Variants in CDKAL1 observed in about 807,000 individuals in gnomAD.
CDKAL1 encodes the protein threonylcarbamoyladenosine tRNA methylthiotransferase.
Under a neutral mutation model 68.2 loss-of-function variants are expected in CDKAL1, and 32 were observed. The observed-to-expected ratio is 0.47, with a 90% CI of 0.35 to 0.63. CDKAL1 has a LOEUF of 0.63. Ranked by LOEUF, CDKAL1 falls within the 30% of genes least tolerant of loss-of-function variation. The probability of loss-of-function intolerance (pLI) is 0.00; values close to 1 mark genes in which losing one functional copy is unlikely to be tolerated. For missense variants in CDKAL1, 606 were observed against 696.7 expected, an observed-to-expected ratio of 0.87 and a Z score of 1.47; for synonymous variants, 234 against 244.3, an observed-to-expected ratio of 0.96 and a Z score of 0.39.
intron 5 of CDKAL1, among the ~76,000 whole-genome samples, chr6:20,665,678 A>G (rs969402411): frequency 2.0e-5 from 3 of 151,968 alleles, no homozygotes; most frequent in Non-Finnish European, 4.4e-5. Flanking sequence ...TGGAAACTAT[A>G]ATTGAAACGA....
intron 5 of CDKAL1, among the ~76,000 whole-genome samples, chr6:20,710,975 T>G (rs751613066): frequency 3.9e-5 from 6 of 152,194 alleles, no homozygotes; most frequent in Non-Finnish European, 8.8e-5. Flanking sequence ...GTAAAATGCT[T>G]CCTTTTTAAT....
chr6:20,912,293 T>C lies in CDKAL1; in HGVS notation c.743-43126T>C, dbSNP rs531824564. Among the ~76,000 whole-genome samples, 11 of 152,320 alleles carry C rather than the reference T, an allele frequency of 7.2e-5. 1 individual carries two copies. Among genetic ancestry groups the C allele is most frequent in the African/African-American group, 2.6e-4 (11 of 41,572 alleles). ...TCTGAACTGGAGTTAAACTTGACTT[T>C]GCTGCTTGGGTGGGGAGGTAGCAGG... On this transcript the variant is annotated intron_variant, in intron 9 of 15. Coordinates refer to ENST00000274695, the MANE Select transcript of CDKAL1 (RefSeq NM_017774.3).
chr6:20,769,067 A>G (rs756781397), intron 7 of CDKAL1, among the ~76,000 whole-genome samples: 1 of 152,004 alleles, frequency 6.6e-6, no homozygotes, highest in Non-Finnish European at 1.5e-5. Context: ...GCTCTCTGAC[A>G]TGGTCCCTGA....
At chr6:21,173,227 ACTTCTT>A (rs200079944) in intron 13 of CDKAL1, among the ~76,000 whole-genome samples, 2 of 151,998 alleles carry the variant, frequency 1.3e-5, no homozygotes, top group East Asian at 3.9e-4. Flanking sequence ...ATTTTATATT[ACTTCTT>A]CATTTCTTAG....
intron 13 of CDKAL1, among the ~76,000 whole-genome samples, chr6:21,127,538 T>G (rs757473074): frequency 6.6e-6 from 1 of 152,096 alleles, no homozygotes; most frequent in Non-Finnish European, 1.5e-5. Flanking sequence ...TCATTTGAGG[T>G]CAAGAGTTCA....
chr6:20,940,146 G>A (rs914054539), intron 9 of CDKAL1, among the ~76,000 whole-genome samples: 1 of 152,094 alleles, frequency 6.6e-6, no homozygotes, highest in Non-Finnish European at 1.5e-5. Context: ...ATTTGTGAAT[G>A]CCACTTTTTA....
chr6:20,747,011 C>A (rs1435653622), intron 6 of CDKAL1, among the ~76,000 whole-genome samples: 2 of 152,084 alleles, frequency 1.3e-5, no homozygotes, highest in Admixed American at 1.3e-4. Flanking sequence ...CTCCCCACCC[C>A]GGTAATCCCC....
At chr6:20,814,824 C>T (rs1561800499) in intron 8 of CDKAL1, among the ~76,000 whole-genome samples, 1 of 152,150 alleles carries the variant, frequency 6.6e-6, no homozygotes, top group East Asian at 1.9e-4. Context: ...CTCCAGAGTT[C>T]TTTTAAGCTT....
At chr6:20,969,938 T>C (rs949315414) in intron 10 of CDKAL1, among the ~76,000 whole-genome samples, 1 of 130,898 alleles carries the variant, frequency 7.6e-6, no homozygotes, top group African/African-American at 3.4e-5. Flanking sequence ...ATTCCCTGCC[T>C]TTTTTTTTTT....
intron 8 of CDKAL1, among the ~76,000 whole-genome samples, chr6:20,839,043 G>C (rs1035455413): frequency 6.7e-6 from 1 of 150,264 alleles, no homozygotes; most frequent in Non-Finnish European, 1.5e-5. Context: ...TCTACATATT[G>C]TGTGTCAATT....
chr6:21,040,555 G>A (rs1183196102), intron 11 of CDKAL1, among the ~76,000 whole-genome samples: 1 of 151,976 alleles, frequency 6.6e-6, no homozygotes, highest in Non-Finnish European at 1.5e-5. Context: ...TGTAAATTAT[G>A]GATTTAAATA....
intron 11 of CDKAL1, among the ~76,000 whole-genome samples, chr6:21,018,925 G>A (rs1489532944): frequency 1.3e-5 from 2 of 151,880 alleles, no homozygotes; most frequent in African/African-American, 4.8e-5. Flanking sequence ...CCTTTGCTTT[G>A]TCGTCTGTCA....
rs564722375 is a variant in CDKAL1 at position 20,624,388 on chromosome 6, T to C, written c.287-24905T>C. The stretch of plus-strand genomic sequence containing the variant: ...CGATTTTTAAGTTTTTTCCCCCCTT[T>C]CTGTGCTGTCTTTTTTTCTCTCCTG... On this transcript the variant is annotated intron_variant, in intron 4 of 15. Coordinates refer to ENST00000274695, the MANE Select transcript of CDKAL1 (RefSeq NM_017774.3). 2.0e-5 allele frequency among the ~76,000 whole-genome samples: 3 copies of C among 152,078 alleles called. No homozygotes were observed. The South Asian group carries it at 6.2e-4, about 32-fold the overall frequency.
intron 4 of CDKAL1, among the ~76,000 whole-genome samples, chr6:20,616,443 C>G (rs1176240220): frequency 7.1e-6 from 1 of 141,462 alleles, no homozygotes; most frequent in Non-Finnish European, 1.5e-5. Flanking sequence ...TGTTTGTATC[C>G]TCTTTTATTT....
intron 13 of CDKAL1, among the ~76,000 whole-genome samples, chr6:21,181,493 G>A (rs1420079148): frequency 6.6e-6 from 1 of 152,164 alleles, no homozygotes; most frequent in Admixed American, 6.5e-5. Flanking sequence ...TTCTGCCATT[G>A]GATGATGCAG....
At chr6:21,133,884 T>C (rs1775449412) in intron 13 of CDKAL1, among the ~76,000 whole-genome samples, 1 of 152,234 alleles carries the variant, frequency 6.6e-6, no homozygotes, top group Admixed American at 6.5e-5. Flanking sequence ...GTTTTGCTGA[T>C]GTCTCCTATA....
intron 9 of CDKAL1, among the ~76,000 whole-genome samples, chr6:20,874,103 T>C (rs1318219434): frequency 6.6e-6 from 1 of 152,070 alleles, no homozygotes; most frequent in African/African-American, 2.4e-5. Flanking sequence ...AAGTAAATAA[T>C]TGGGGTTAGA....
intron 5 of CDKAL1, among the ~76,000 whole-genome samples, chr6:20,669,934 A>G (rs1769731299): frequency 6.6e-6 from 1 of 152,040 alleles, no homozygotes; most frequent in African/African-American, 2.4e-5. Context: ...TATTTACACA[A>G]ACACCTATAA....
At chr6:20,737,362 G>C (rs915083623) in intron 5 of CDKAL1, among the ~76,000 whole-genome samples, 1 of 152,206 alleles carries the variant, frequency 6.6e-6, no homozygotes, top group African/African-American at 2.4e-5. Context: ...TAAGCTTGTT[G>C]AGTGCAAAGC....
Sources: gnomAD v4.1 joint callset for allele counts (sites outside exome capture counted in the v4.1 genomes callset) on GRCh38, gnomAD v4.1.1 for gene constraint, MANE v1.5 for transcripts, NCBI Gene and HGNC (gene_info 2026-07-23, HGNC 2026-07-21) for gene names.